CDH8: variants seen among roughly 807,000 people sequenced by gnomAD.
The protein encoded by CDH8 is cadherin 8, also known as cadherin-8.
A neutral mutation model predicts 68.1 loss-of-function variants in CDH8; 17 were observed. The ratio of observed to expected loss-of-function variants is 0.25; its 90% CI spans 0.17 to 0.37. The LOEUF is 0.37. Ranked by LOEUF, CDH8 falls within the 10% of genes least tolerant of loss-of-function variation. The pLI, the probability that CDH8 is intolerant of heterozygous loss-of-function variation, is 1.00. For missense variants in CDH8, 763 were observed against 999.3 expected, an observed-to-expected ratio of 0.76 and a Z score of 3.19; for synonymous variants, 372 against 365.1, an observed-to-expected ratio of 1.02 and a Z score of -0.21.
chr16:61,821,961 C>G lies in CDH8; in HGVS notation c.836-848G>C, dbSNP rs888803421. On this transcript the variant is annotated intron_variant, in intron 5 of 11. Transcript: ENST00000577390. ...GCATTTCTTTGCCTGAGGGTTATTG[C>G]GGGCCTTTAGAACCTATTTTGCCCA... Among the ~76,000 whole-genome samples the G allele has an allele frequency of 2.0e-5, 3 of 151,792 alleles. No individual in the cohort carries two copies. In the South Asian group the frequency reaches 6.2e-4, roughly 32 times the overall value.
intron 7 of CDH8, among the ~76,000 whole-genome samples, chr16:61,811,317 C>T (rs538654799): frequency 2.3e-4 from 35 of 152,166 alleles, no homozygotes; most frequent in African/African-American, 7.2e-4. Flanking sequence ...GTGAGTTTTT[C>T]GAAACAGTGT....
At chr16:62,018,634 T>C (rs1182650621) in intron 2 of CDH8, among the ~76,000 whole-genome samples, 6 of 152,168 alleles carry the variant, frequency 3.9e-5, no homozygotes, top group Non-Finnish European at 5.9e-5. Flanking sequence ...TTCAGGAGCA[T>C]TTTTCTTTAA....
chr16:61,946,835 T>A (rs1964810001), intron 2 of CDH8, among the ~76,000 whole-genome samples: 1 of 152,184 alleles, frequency 6.6e-6, no homozygotes, highest in Non-Finnish European at 1.5e-5. Context: ...CAATTTGGAC[T>A]CCTAATAAAT....
intron 5 of CDH8, 36 bp downstream of exon 5, chr16:61,824,976 A>G (rs200301793): frequency 6.5e-7 from 1 of 1,532,714 alleles, no homozygotes; most frequent in African/African-American, 1.4e-5. Context: ...GAAACATCAT[A>G]CCAAGATTCT....
chr16:61,891,262 A>C (rs535738173), intron 3 of CDH8, among the ~76,000 whole-genome samples: 23 of 152,270 alleles, frequency 1.5e-4, no homozygotes, highest in African/African-American at 5.5e-4. Flanking sequence ...ATTATAATTT[A>C]GGGAGTACAA....
intron 1 of CDH8, among the ~76,000 whole-genome samples, chr16:62,023,670 G>A (rs1329535533): frequency 1.3e-5 from 2 of 152,176 alleles, no homozygotes; most frequent in Non-Finnish European, 2.9e-5. Context: ...GGTAAGGTAT[G>A]AGGGTGTCAC....
chr16:61,833,762 T>G (rs1962511365), intron 4 of CDH8, among the ~76,000 whole-genome samples: 1 of 151,932 alleles, frequency 6.6e-6, no homozygotes, highest in South Asian at 2.1e-4. Flanking sequence ...ACACACTTAC[T>G]CTTTACTGGA....
At position 61,652,747 on chromosome 16, in the gene CDH8, C is replaced by T. The variant is rs1321596994; in HGVS notation, c.*861G>A. On this transcript the variant is annotated 3_prime_UTR_variant, in exon 12 of 12. Transcript: ENST00000577390. ...CTTAATAAATAAAAGCATTAATGGA[C>T]ATCAATAAAATATTTATTTCGAGGA... 1.5e-6 allele frequency: 2 copies of T among 1,315,916 alleles called. No homozygotes were observed. The highest frequency in any genetic ancestry group is 1.9e-6 in the Non-Finnish European group (2 of 1,033,710). 81.5% of individuals were successfully genotyped at this position (1,315,916 alleles called of 1,614,324 possible). A position where few individuals can be genotyped will look rare whatever the true frequency, so the allele number is the denominator to read the frequency against.
chr16:61,961,646 T>C (rs1004112571), intron 2 of CDH8, among the ~76,000 whole-genome samples: 3 of 152,192 alleles, frequency 2.0e-5, no homozygotes, highest in Admixed American at 1.3e-4. Context: ...GCCTAATAAA[T>C]AGCACACCCA....
chr16:61,821,885 C>T (rs1339099888), intron 5 of CDH8, among the ~76,000 whole-genome samples: 3 of 151,958 alleles, frequency 2.0e-5, no homozygotes, highest in South Asian at 2.1e-4. Flanking sequence ...TCATAACCCC[C>T]GGCCATTGTT....
At chr16:61,988,433 G>A (rs1452227803) in intron 2 of CDH8, among the ~76,000 whole-genome samples, 1 of 152,142 alleles carries the variant, frequency 6.6e-6, no homozygotes, top group African/African-American at 2.4e-5. Context: ...TTAAGCAGGT[G>A]CTCTTTAAAC....
At chr16:61,708,351 A>G (rs1371942406) in intron 10 of CDH8, among the ~76,000 whole-genome samples, 1 of 152,178 alleles carries the variant, frequency 6.6e-6, no homozygotes, top group African/African-American at 2.4e-5. Context: ...TCTCAGAACT[A>G]AATTGTTTTC....
chr16:61,962,379 A>G (rs2175239), intron 2 of CDH8, among the ~76,000 whole-genome samples: 70,561 of 151,982 alleles, frequency 0.46, 19,201 homozygotes, highest in African/African-American at 0.77. Context: ...TGGGGCAGGA[A>G]GATATAATTA....
intron 2 of CDH8, among the ~76,000 whole-genome samples, chr16:61,910,338 CAAA>C (rs34671955): frequency 3.0e-4 from 36 of 120,814 alleles, no homozygotes; most frequent in African/African-American, 7.4e-4. Context: ...CAAGCAGCCA[CAAA>C]AAAAAAAAAA....
intron 7 of CDH8, among the ~76,000 whole-genome samples, chr16:61,811,042 A>AG (rs1961935121): frequency 6.6e-6 from 1 of 151,294 alleles, no homozygotes. Context: ...AAAAAAAAAA[A>AG]AGAAGACTAG....
chr16:61,965,133 C>G (rs1269068012), intron 2 of CDH8, among the ~76,000 whole-genome samples: 2 of 152,140 alleles, frequency 1.3e-5, no homozygotes, highest in Non-Finnish European at 2.9e-5. Context: ...ATATAAGAAA[C>G]AGCATGTGAA....
chr16:61,703,794 C>T (rs200462701), intron 10 of CDH8, among the ~76,000 whole-genome samples: 4 of 151,912 alleles, frequency 2.6e-5, no homozygotes, highest in Non-Finnish European at 5.9e-5. Context: ...GAGCCGAGAT[C>T]GTGCCACTGC....
intron 10 of CDH8, among the ~76,000 whole-genome samples, chr16:61,696,995 C>G (rs1964338294): frequency 6.6e-6 from 1 of 152,114 alleles, no homozygotes; most frequent in Admixed American, 6.6e-5. Context: ...GTACCATGCT[C>G]ATTACCTGGG....
At chr16:61,944,829 AT>A (rs1964776231) in intron 2 of CDH8, among the ~76,000 whole-genome samples, 1 of 152,152 alleles carries the variant, frequency 6.6e-6, no homozygotes, top group Admixed American at 6.6e-5. Context: ...TGGTTTTCTC[AT>A]TTTTTTAAAC....
Sources: allele counts gnomAD v4.1 joint callset (sites outside exome capture counted in the v4.1 genomes callset), GRCh38; gene constraint gnomAD v4.1.1; transcripts MANE v1.5; gene names NCBI Gene and HGNC (gene_info 2026-07-23, HGNC 2026-07-21).